Variants in CAMK2D observed in about 807,000 individuals in gnomAD.
CAMK2D encodes calcium/calmodulin dependent protein kinase II delta.
A neutral mutation model predicts 84.0 loss-of-function variants in CAMK2D; 37 were observed. The ratio of observed to expected loss-of-function variants is 0.44; its 90% confidence interval spans 0.34 to 0.58. The LOEUF is 0.58. CAMK2D is among the 20% of genes least tolerant of loss of function. CAMK2D has a pLI of 0.02. For missense variants in CAMK2D, 448 were observed against 652.5 expected, an observed-to-expected ratio of 0.69 and a Z score of 3.41; for synonymous variants, 202 against 212.5, an observed-to-expected ratio of 0.95 and a Z score of 0.43.
chr4:113,754,370 CAA>C (rs1056081206), intron 2 of CAMK2D: 1 of 981,654 alleles, frequency 1.0e-6, no homozygotes, highest in Non-Finnish European at 1.2e-6. Context: ...TTCTAGTTAA[CAA>C]AAAAGTTAGA....
intron 15 of CAMK2D, among the ~76,000 whole-genome samples, chr4:113,501,385 A>C (rs2098043088): frequency 6.6e-6 from 1 of 152,084 alleles, no homozygotes; most frequent in African/African-American, 2.4e-5. Flanking sequence ...ATTCATAAGA[A>C]AGACATAGTT....
At chr4:113,752,151 T>G (rs1594147880) in intron 2 of CAMK2D, among the ~76,000 whole-genome samples, 1 of 151,900 alleles carries the variant, frequency 6.6e-6, no homozygotes, top group Non-Finnish European at 1.5e-5. Context: ...AGCACACAGG[T>G]AGCTTCAAAA....
chr4:113,494,862 G>A (rs928474417), intron 16 of CAMK2D, among the ~76,000 whole-genome samples: 21 of 152,190 alleles, frequency 1.4e-4, no homozygotes, highest in East Asian at 1.9e-4. Context: ...TTTTAAGCCC[G>A]TCGGAAAAGC....
rs771433322 is a variant in CAMK2D at position 113,552,104 on chromosome 4, G to T, written c.276-8C>A. 6 of 1,510,540 alleles carry T rather than the reference G, an allele frequency of 4.0e-6. No individual in the cohort carries two copies. Among genetic ancestry groups the T allele is most frequent in the Non-Finnish European group, 5.5e-6 (6 of 1,097,784 alleles). 93.6% of individuals were successfully genotyped at this position (1,510,540 alleles called of 1,614,324 possible). A position where few individuals can be genotyped will look rare whatever the true frequency, so the allele number is the denominator to read the frequency against. On this transcript the variant is annotated splice_region_variant and splice_polypyrimidine_tract_variant and intron_variant, in intron 4 of 20. Transcript: ENST00000511664. Reference sequence around the variant, plus strand: ...AGTTCACCTCCAGTAACTCTGGGAAGATAAAAAACATAATCACTTTTAAAA... The same window carrying T: ...AGTTCACCTCCAGTAACTCTGGGAATATAAAAAACATAATCACTTTTAAAA...
chr4:113,659,030 C>A (rs2099215500), intron 3 of CAMK2D, among the ~76,000 whole-genome samples: 1 of 152,174 alleles, frequency 6.6e-6, no homozygotes. Context: ...AAGTTTAGAA[C>A]TTTCCCCAGC....
chr4:113,464,928 A>G (rs1280084421), intron 17 of CAMK2D, among the ~76,000 whole-genome samples: 2 of 152,150 alleles, frequency 1.3e-5, no homozygotes, highest in East Asian at 3.9e-4. Context: ...ACCTTTTCTC[A>G]TCTGGACTTC....
At chr4:113,542,781 T>C (rs545565772) in intron 6 of CAMK2D, among the ~76,000 whole-genome samples, 10 of 152,270 alleles carry the variant, frequency 6.6e-5, no homozygotes, top group African/African-American at 9.6e-5. Context: ...AATTCCTTTC[T>C]ACTTTGGTCA....
chr4:113,654,093 C>T (rs756657479), intron 3 of CAMK2D, among the ~76,000 whole-genome samples: 2 of 152,018 alleles, frequency 1.3e-5, no homozygotes, highest in Non-Finnish European at 2.9e-5. Flanking sequence ...ACACTACGTG[C>T]TAAACGAAGT....
chr4:113,538,152 A>G (rs1316788036), intron 6 of CAMK2D, among the ~76,000 whole-genome samples: 1 of 152,058 alleles, frequency 6.6e-6, no homozygotes, highest in Non-Finnish European at 1.5e-5. Flanking sequence ...AGCATTACTT[A>G]TATATTTATT....
intron 6 of CAMK2D, among the ~76,000 whole-genome samples, chr4:113,542,701 C>A (rs1432299272): frequency 6.8e-6 from 1 of 146,262 alleles, no homozygotes; most frequent in African/African-American, 2.6e-5. Context: ...GGCAACAGAG[C>A]GAGATTCCGT....
At chr4:113,555,356 G>C (rs1256709975) in intron 4 of CAMK2D, among the ~76,000 whole-genome samples, 2 of 152,128 alleles carry the variant, frequency 1.3e-5, no homozygotes, top group Non-Finnish European at 2.9e-5. Context: ...ACCAAGAGCG[G>C]CACCCAGTTA....
chr4:113,716,709 A>G lies in CAMK2D; in HGVS notation c.160+42611T>C, dbSNP rs898793799. 6.0e-5 allele frequency among the ~76,000 whole-genome samples: 9 copies of G among 150,134 alleles called. 1 individual carries two copies. Among genetic ancestry groups the G allele is most frequent in the African/African-American group, 2.2e-4 (9 of 41,142 alleles). ...GCCTGTAGAACTCATCTCTAACTTG[A>G]AATATTTCCTTTGATATACTTAATA... On this transcript the variant is annotated intron_variant, in intron 2 of 20. Coordinates refer to ENST00000511664, the MANE Select transcript of CAMK2D (RefSeq NM_001321571.2).
chr4:113,599,995 G>A (rs2098944934), intron 4 of CAMK2D, among the ~76,000 whole-genome samples: 1 of 152,110 alleles, frequency 6.6e-6, no homozygotes, highest in South Asian at 2.1e-4. Flanking sequence ...AACCCATGTT[G>A]TCCCAGGGCT....
At chr4:113,622,977 G>C (rs1212913348) in intron 3 of CAMK2D, among the ~76,000 whole-genome samples, 1 of 152,142 alleles carries the variant, frequency 6.6e-6, no homozygotes, top group Non-Finnish European at 1.5e-5. Context: ...TGGGATAGGA[G>C]AGTGTTTTTA....
chr4:113,564,828 T>C (rs1278204719), intron 4 of CAMK2D, among the ~76,000 whole-genome samples: 1 of 152,242 alleles, frequency 6.6e-6, no homozygotes, highest in African/African-American at 2.4e-5. Context: ...AACAAGTATA[T>C]ACCAAGTGTC....
chr4:113,689,977 C>T (rs1055287193), intron 2 of CAMK2D, among the ~76,000 whole-genome samples: 34 of 152,128 alleles, frequency 2.2e-4, no homozygotes, highest in African/African-American at 8.0e-4. Context: ...GAACATATAA[C>T]CAAGCTACTA....
At chr4:113,717,716 T>C (rs571790260) in intron 2 of CAMK2D, among the ~76,000 whole-genome samples, 1 of 152,236 alleles carries the variant, frequency 6.6e-6, no homozygotes, top group Admixed American at 6.5e-5. Flanking sequence ...GGAGAGAGAA[T>C]TGTTCGTATG....
intron 2 of CAMK2D, among the ~76,000 whole-genome samples, chr4:113,732,777 C>T (rs1350043080): frequency 1.3e-5 from 2 of 152,072 alleles, no homozygotes; most frequent in African/African-American, 2.4e-5. Context: ...GCTCCTCTGA[C>T]TCCCTGAAAA....
intron 2 of CAMK2D, among the ~76,000 whole-genome samples, chr4:113,718,570 C>T (rs1259235389): frequency 2.0e-5 from 3 of 152,294 alleles, no homozygotes; most frequent in Non-Finnish European, 4.4e-5. Flanking sequence ...GACTCCCAAA[C>T]CATAATTTCT....
Sources: gnomAD v4.1 joint callset for allele counts (sites outside exome capture counted in the v4.1 genomes callset) on GRCh38, gnomAD v4.1.1 for gene constraint, MANE v1.5 for transcripts, NCBI Gene and HGNC (gene_info 2026-07-23, HGNC 2026-07-21) for gene names.